ADK: variants seen among roughly 807,000 people sequenced by gnomAD.
ADK encodes the protein N6,N6-dimethyladenosine kinase.
ADK carries 24 observed loss-of-function variants against 44.7 expected under a neutral mutation model. That is an observed-to-expected ratio of 0.54 (90% CI 0.39 to 0.76). The LOEUF (loss-of-function observed/expected upper bound fraction) is 0.76. ADK is among the 30% of genes least tolerant of loss of function. ADK has a pLI of 0.00. For missense variants in ADK, 321 were observed against 425.1 expected (o/e 0.76, Z 2.15); for synonymous variants, 128 against 142.6 (o/e 0.90, Z 0.73).
chr10:74,499,943 A>G (rs1847834436), intron 6 of ADK, among the ~76,000 whole-genome samples: 1 of 152,186 alleles, frequency 6.6e-6, no homozygotes, highest in Non-Finnish European at 1.5e-5. Flanking sequence ...ATAAGTCAAT[A>G]GATGAATGCT....
intron 6 of ADK, among the ~76,000 whole-genome samples, chr10:74,406,997 T>C (rs897037523): frequency 6.6e-6 from 1 of 151,602 alleles, no homozygotes; most frequent in African/African-American, 2.4e-5. Context: ...TTTTTTTTTT[T>C]TTTCAGACAA....
At chr10:74,610,603 A>T (rs1449857006) in intron 9 of ADK, among the ~76,000 whole-genome samples, 2 of 151,354 alleles carry the variant, frequency 1.3e-5, no homozygotes, top group African/African-American at 2.4e-5. Context: ...TTTTCAATTT[A>T]AAAAAAATTA....
chr10:74,356,853 A>G (rs1272571907), intron 4 of ADK, among the ~76,000 whole-genome samples: 2 of 152,210 alleles, frequency 1.3e-5, no homozygotes, highest in Non-Finnish European at 2.9e-5. Context: ...TGCCAATTGT[A>G]TAAGGAGAAA....
At chr10:74,295,065 C>T (rs929080922) in intron 3 of ADK, among the ~76,000 whole-genome samples, 1 of 151,756 alleles carries the variant, frequency 6.6e-6, no homozygotes, top group Non-Finnish European at 1.5e-5. Context: ...CCCTGTTGGC[C>T]ATGCTGGTCT....
intron 3 of ADK, among the ~76,000 whole-genome samples, chr10:74,236,558 C>T (rs4746191): frequency 0.74 from 111,884 of 152,086 alleles, 41,836 homozygotes; most frequent in Middle Eastern, 0.85. Context: ...AAATTTGATA[C>T]CAGATAATTG....
At chr10:74,343,359 G>A (rs748391011) in intron 4 of ADK, among the ~76,000 whole-genome samples, 7 of 152,050 alleles carry the variant, frequency 4.6e-5, no homozygotes, top group Admixed American at 3.9e-4. Flanking sequence ...TTTTATATAT[G>A]TATCATATAA....
rs557626998 is a variant in ADK at position 74,634,235 on chromosome 10, C to G, written c.877+33742C>G. Among the ~76,000 whole-genome samples, 14 of 151,906 alleles carry G rather than the reference C, an allele frequency of 9.2e-5. No homozygotes were observed. In the South Asian group the frequency reaches 2.9e-3, roughly 32 times the overall value. ...TATTTTTTTTTTTTGAGACGAGTCT[C>G]GCCCTGCCTTCCAGGCTGGAGTGCA... On this transcript the variant is annotated intron_variant, in intron 9 of 10. Coordinates refer to ENST00000539909, the MANE Select transcript of ADK (RefSeq NM_006721.4).
intron 3 of ADK, among the ~76,000 whole-genome samples, chr10:74,290,189 C>T (rs931869715): frequency 1.3e-5 from 2 of 151,934 alleles, no homozygotes; most frequent in African/African-American, 2.4e-5. Context: ...TCCTTCGGTT[C>T]GTTCTTTGTC....
intron 6 of ADK, among the ~76,000 whole-genome samples, chr10:74,436,616 T>C (rs1204960629): frequency 6.6e-6 from 1 of 152,164 alleles, no homozygotes; most frequent in East Asian, 1.9e-4. Flanking sequence ...ATAATATGCT[T>C]AACTGATTTT....
intron 1 of ADK, among the ~76,000 whole-genome samples, chr10:74,151,852 C>A (rs188192248): frequency 6.6e-6 from 1 of 152,196 alleles, no homozygotes; most frequent in South Asian, 2.1e-4. Context: ...CTACCAGGGA[C>A]CCAGACCCCT....
At chr10:74,280,491 T>C (rs1240300178) in intron 3 of ADK, among the ~76,000 whole-genome samples, 1 of 151,516 alleles carries the variant, frequency 6.6e-6, no homozygotes, top group African/African-American at 2.4e-5. Context: ...GGCTGGTGTC[T>C]AACTTCTGGC....
chr10:74,190,351 C>G, intron 1 of ADK, among the ~76,000 whole-genome samples: 1 of 152,294 alleles, frequency 6.6e-6, no homozygotes, highest in East Asian at 1.9e-4. Flanking sequence ...CCTGTTTTGC[C>G]GAGCTTCATG....
intron 7 of ADK, among the ~76,000 whole-genome samples, chr10:74,533,882 C>G (rs1849370326): frequency 6.6e-6 from 1 of 152,160 alleles, no homozygotes; most frequent in Non-Finnish European, 1.5e-5. Context: ...AACCAAACAT[C>G]CACAACTAGT....
In ADK at chr10:74,527,726, A is replaced by G. The variant is rs1849112538; in HGVS notation, c.726+2300A>G. On this transcript the variant is annotated intron_variant, in intron 7 of 10. Transcript: ENST00000539909. ...GCATTGTCCACTGGACGTTTTAGTC[A>G]TATTCAGACACCAGTTGTTTCCTCC... The G allele has an allele frequency of 3.3e-6, 5 of 1,503,166 alleles. No individual in the cohort carries two copies. In the Middle Eastern group the frequency reaches 5.1e-4, roughly 154 times the overall value. The allele number at this position is 1,503,166 out of a possible 1,614,324, so 93.1% of individuals were successfully genotyped here. A position where few individuals can be genotyped will look rare whatever the true frequency, so the allele number is the denominator to read the frequency against.
chr10:74,605,090 T>C (rs1852269747), intron 9 of ADK, among the ~76,000 whole-genome samples: 1 of 152,234 alleles, frequency 6.6e-6, no homozygotes. Flanking sequence ...TGCACATTGA[T>C]TTTGTATCCT....
intron 4 of ADK, among the ~76,000 whole-genome samples, chr10:74,391,697 A>G (rs1843339303): frequency 6.8e-6 from 1 of 146,986 alleles, no homozygotes; most frequent in African/African-American, 2.5e-5. Context: ...ACACACACAC[A>G]TTCTCTTTTA....
At chr10:74,587,689 T>A (rs970129290) in intron 7 of ADK, among the ~76,000 whole-genome samples, 1 of 152,128 alleles carries the variant, frequency 6.6e-6, no homozygotes, top group Non-Finnish European at 1.5e-5. Flanking sequence ...AAAGATAATT[T>A]TGGAAGAATG....
chr10:74,240,150 G>A (rs528067645), intron 3 of ADK, among the ~76,000 whole-genome samples: 2 of 152,216 alleles, frequency 1.3e-5, no homozygotes, highest in Admixed American at 6.5e-5. Flanking sequence ...AAGTAGCTGG[G>A]ATTACAGGTG....
At chr10:74,566,481 C>T (rs1008178534) in intron 7 of ADK, among the ~76,000 whole-genome samples, 2 of 152,104 alleles carry the variant, frequency 1.3e-5, no homozygotes, top group African/African-American at 4.8e-5. Flanking sequence ...GGATTACATG[C>T]GTGAGCCACC....
Sources: gnomAD v4.1 joint callset for allele counts (sites outside exome capture counted in the v4.1 genomes callset) on GRCh38, gnomAD v4.1.1 for gene constraint, MANE v1.5 for transcripts, NCBI Gene and HGNC (gene_info 2026-07-23, HGNC 2026-07-21) for gene names.